Variants in ABI2 observed in about 807,000 individuals in gnomAD.
The protein encoded by ABI2 is abl interactor 2.
A neutral mutation model predicts 59.2 loss-of-function variants in ABI2; 25 were observed. That is an observed-to-expected ratio of 0.42 (90% CI 0.31 to 0.59). The LOEUF (loss-of-function observed/expected upper bound fraction) is 0.59, where lower values mean the gene tolerates loss of function less well. ABI2 is among the 20% of genes least tolerant of loss of function. ABI2 has a pLI of 0.14. For synonymous variants in ABI2, 213 were observed against 235.5 expected (o/e 0.90, Z 0.87); for missense variants, 545 against 681.8 (o/e 0.80, Z 2.23).
At chr2:203,395,979 T>C (rs1328327553) in intron 7 of ABI2, among the ~76,000 whole-genome samples, 199 bp downstream of exon 7, 1 of 152,210 alleles carries the variant, frequency 6.6e-6, no homozygotes, top group East Asian at 1.9e-4. Context: ...TTTATGCCTT[T>C]GGTGATGTGG....
chr2:203,379,008 C>T (rs2095911069), intron 2 of ABI2, among the ~76,000 whole-genome samples: 1 of 152,042 alleles, frequency 6.6e-6, no homozygotes, highest in South Asian at 2.1e-4. Flanking sequence ...GCTTACATAC[C>T]ACTAAATTGC....
At chr2:203,368,818 A>ATT (rs561463957) in intron 2 of ABI2, among the ~76,000 whole-genome samples, 6 of 143,460 alleles carry the variant, frequency 4.2e-5, no homozygotes, top group African/African-American at 7.7e-5. Context: ...AAATAGATGA[A>ATT]TTTTTTTTTT....
At chr2:203,399,565 G>C (rs1339330900) in intron 8 of ABI2, among the ~76,000 whole-genome samples, 1 of 152,172 alleles carries the variant, frequency 6.6e-6, no homozygotes, top group Non-Finnish European at 1.5e-5. Flanking sequence ...GTCCAGGCTG[G>C]AGTGCAATGG....
At chr2:203,386,638 T>C (rs917794262) in intron 4 of ABI2, 1 of 151,516 alleles carries the variant, frequency 6.6e-6, no homozygotes, top group Non-Finnish European at 1.4e-5. Flanking sequence ...CTGTAGACAT[T>C]GCTTTTTTTT....
intron 1 of ABI2, among the ~76,000 whole-genome samples, chr2:203,361,797 G>A (rs2093554907): frequency 6.6e-6 from 1 of 152,144 alleles, no homozygotes; most frequent in East Asian, 1.9e-4. Flanking sequence ...ATTGAATGAT[G>A]TCCTGTGTCT....
At chr2:203,347,282 C>T (rs961997174) in intron 1 of ABI2, among the ~76,000 whole-genome samples, 3 of 152,164 alleles carry the variant, frequency 2.0e-5, no homozygotes, top group African/African-American at 7.2e-5. Context: ...GGATGATATC[C>T]TGACTCCCAG....
At chr2:203,363,847 C>T (rs2093921016) in intron 1 of ABI2, among the ~76,000 whole-genome samples, 1 of 152,130 alleles carries the variant, frequency 6.6e-6, no homozygotes, top group African/African-American at 2.4e-5. Context: ...TCACTGCAAC[C>T]TCTGCCTCCT....
chr2:203,412,562 C>T (rs946229508), intron 10 of ABI2, among the ~76,000 whole-genome samples: 1 of 152,104 alleles, frequency 6.6e-6, no homozygotes, highest in Non-Finnish European at 1.5e-5. Flanking sequence ...TTTACCACAC[C>T]GTGACTTCAT....
intron 11 of ABI2, among the ~76,000 whole-genome samples, chr2:203,419,187 G>A (rs546444353): frequency 1.4e-5 from 2 of 146,798 alleles, no homozygotes; most frequent in African/African-American, 5.1e-5. Context: ...TCAGCTCACA[G>A]CAACCTCCAC....
At chr2:203,418,908 C>G (rs1460098227) in intron 11 of ABI2, among the ~76,000 whole-genome samples, 2 of 152,092 alleles carry the variant, frequency 1.3e-5, no homozygotes, top group African/African-American at 2.4e-5. Context: ...TGCTAAAAAC[C>G]AGTACCTTAG....
At chr2:203,380,149 A>G (rs2096019457) in intron 2 of ABI2, 59 bp from the exon 3 acceptor site, 5 of 1,093,570 alleles carry the variant, frequency 4.6e-6, no homozygotes, top group Non-Finnish European at 3.8e-6. Flanking sequence ...ATATATTTTG[A>G]TTTTTGTGGA....
Position 203,335,256 on chromosome 2 carries a change from C to CTTTAT in ABI2, c.117+6639_117+6643dup, listed in dbSNP as rs1290995828. ...GCACTGAATTATTTTTATTTTATTACTTTATTTTATTTTATTTTTTGAGAC... is the reference window on the plus strand; with the variant it reads ...GCACTGAATTATTTTTATTTTATTACTTTATTTTATTTTATTTTATTTTTTGAGAC... On this transcript the variant is annotated intron_variant, in intron 1 of 11. Coordinates refer to ENST00000261018, the MANE Select transcript of ABI2 (RefSeq NM_001375670.1). Among the ~76,000 whole-genome samples, 109 of 152,076 alleles carry CTTTAT rather than the reference C, an allele frequency of 7.2e-4. 1 individual carries two copies. Among genetic ancestry groups the CTTTAT allele is most frequent in the Middle Eastern group, 3.4e-3 (1 of 294 alleles).
At chr2:203,348,166 G>T (rs1432478302) in intron 1 of ABI2, among the ~76,000 whole-genome samples, 1 of 152,154 alleles carries the variant, frequency 6.6e-6, no homozygotes, top group East Asian at 1.9e-4. Flanking sequence ...GCTTGAACCC[G>T]GGTGGCGAAG....
At position 203,343,135 on chromosome 2, in the gene ABI2, A is replaced by C. The variant is rs551506016; in HGVS notation, c.117+14504A>C. Among the ~76,000 whole-genome samples the C allele has an allele frequency of 2.6e-5, 4 of 152,268 alleles. No individual in the cohort carries two copies. In the South Asian group the frequency reaches 8.3e-4, roughly 32 times the overall value. On this transcript the variant is annotated intron_variant, in intron 1 of 11. Coordinates refer to ENST00000261018, the MANE Select transcript of ABI2 (RefSeq NM_001375670.1). ...AGCAAGCACCTGGGGAGGCTGAGGC[A>C]GGTGGATCACGTGAGGTCAGGAGTT...
intron 4 of ABI2, among the ~76,000 whole-genome samples, chr2:203,383,606 C>A (rs1198512232): frequency 1.3e-5 from 2 of 152,148 alleles, no homozygotes; most frequent in African/African-American, 4.8e-5. Flanking sequence ...ATGATTCCTT[C>A]TTGATGTTCC....
intron 1 of ABI2, among the ~76,000 whole-genome samples, chr2:203,357,022 A>G (rs922163199): frequency 1.4e-5 from 2 of 142,596 alleles, no homozygotes; most frequent in African/African-American, 4.9e-5. Context: ...TTCTTCAAAT[A>G]ATGAGGAAAG....
At position 203,381,292 on chromosome 2, in the gene ABI2, T is replaced by C. The variant is rs550227243; in HGVS notation, c.463-897T>C. Among the ~76,000 whole-genome samples the C allele has an allele frequency of 3.3e-5, 5 of 152,356 alleles. No individual in the cohort carries two copies. In the South Asian group the frequency reaches 1.0e-3, roughly 32 times the overall value. Reference sequence around the variant, plus strand: ...GGAATATGATATTTAATTTAACTTTTTTGAGACAGGGTCTCACTCTGTCAC... The same window carrying C: ...GGAATATGATATTTAATTTAACTTTCTTGAGACAGGGTCTCACTCTGTCAC... On this transcript the variant is annotated intron_variant, in intron 3 of 11. Coordinates refer to ENST00000261018, the MANE Select transcript of ABI2 (RefSeq NM_001375670.1).
intron 1 of ABI2, among the ~76,000 whole-genome samples, chr2:203,365,393 C>CAAA (rs2094269883): frequency 6.6e-6 from 1 of 152,114 alleles, no homozygotes; most frequent in African/African-American, 2.4e-5. Context: ...TTTTCTCTTT[C>CAAA]ATCATTAAAT....
At position 203,429,845 on chromosome 2, in the gene ABI2, A is replaced by G. The variant is rs947827079; in HGVS notation, c.*2493A>G. On this transcript the variant is annotated 3_prime_UTR_variant, in exon 12 of 12. Transcript: ENST00000261018. ...ACAGAGTTAGTGGCGGTCAGCAGGA[A>G]TGCAGCTGGTCTTTTGGACCCCTAC... 1 of 152,246 alleles carries G rather than the reference A, an allele frequency of 6.6e-6. No homozygotes were observed. Among genetic ancestry groups the G allele is most frequent in the African/African-American group, 2.4e-5 (1 of 41,414 alleles). 9.4% of individuals were successfully genotyped at this position (152,246 alleles called of 1,614,324 possible). A position where few individuals can be genotyped will look rare whatever the true frequency, so the allele number is the denominator to read the frequency against.
Sources: gnomAD v4.1 joint callset for allele counts (sites outside exome capture counted in the v4.1 genomes callset) on GRCh38, gnomAD v4.1.1 for gene constraint, MANE v1.5 for transcripts, NCBI Gene and HGNC (gene_info 2026-07-23, HGNC 2026-07-21) for gene names.